The following PHF19 variants were observed in gnomAD, a reference collection of about 807,000 sequenced individuals.
PHF19 encodes the protein PHD finger protein 19.
In PHF19, 21 loss-of-function variants were observed where a neutral mutation model predicts 79.8. That is an observed-to-expected ratio of 0.26 (90% CI 0.19 to 0.38). The LOEUF (loss-of-function observed/expected upper bound fraction) is 0.38, where lower values mean the gene tolerates loss of function less well. Ranked by LOEUF, PHF19 falls within the 10% of genes least tolerant of loss-of-function variation. The probability of loss-of-function intolerance (pLI) is 1.00; values close to 1 mark genes in which losing one functional copy is unlikely to be tolerated. For missense variants in PHF19, 445 were observed against 744.2 expected, an observed-to-expected ratio of 0.60 and a Z score of 4.68; for synonymous variants, 273 against 296.3, an observed-to-expected ratio of 0.92 and a Z score of 0.81.
intron 12 of PHF19, 26 bp downstream of exon 12, chr9:120,861,891 TG>T (rs780178763): frequency 6.7e-7 from 1 of 1,496,926 alleles, no homozygotes; most frequent in Non-Finnish European, 9.3e-7. Context: ...CGTATGAAAA[TG>T]GAGAGTAAGA....
intron 14 of PHF19, among the ~76,000 whole-genome samples, chr9:120,859,364 C>T (rs2045450833): frequency 6.6e-6 from 1 of 151,320 alleles, no homozygotes; most frequent in African/African-American, 2.4e-5. Context: ...AGGTAATCTG[C>T]CCACCTTGGC....
rs1326199845 is a variant in PHF19, at chr9:120,870,161, G to GA, written c.365-217dup. On this transcript the variant is annotated intron_variant, in intron 4 of 14. Coordinates refer to ENST00000373896, the MANE Select transcript of PHF19 (RefSeq NM_015651.3). The surrounding 1 kb of genome is among the most constrained non-coding windows in gnomAD (Gnocchi z 4.4). ...ATTGGCCAGTTGTGGGGTTGGGGGGGACACAGGAAGGTCTGACTTCAGTGC... is the reference window on the plus strand; with the variant it reads ...ATTGGCCAGTTGTGGGGTTGGGGGGGAACACAGGAAGGTCTGACTTCAGTGC... Among the ~76,000 whole-genome samples the GA allele has an allele frequency of 1.1e-4, 16 of 152,030 alleles. No individual in the cohort carries two copies. The highest frequency in any genetic ancestry group is 2.1e-4 in the Non-Finnish European group (14 of 68,002).
the PHF19 span, chr9:120,903,430 C>T: frequency 3.9e-5 from 6 of 152,312 alleles, no homozygotes; most frequent in Admixed American, 1.3e-4. Context: ...TTGAGACTGC[C>T]GTGCCACGAT....
chr9:120,881,149 GTT>G (rs1182115413), upstream of PHF19, among the ~76,000 whole-genome samples: 2 of 133,674 alleles, frequency 1.5e-5, no homozygotes. Flanking sequence ...TCGGGGGTTT[GTT>G]TTTTTTTTTT....
chr9:120,871,579 TTTA>T (rs1395473660), intron 3 of PHF19, among the ~76,000 whole-genome samples: 61 of 152,360 alleles, frequency 4.0e-4, no homozygotes, highest in African/African-American at 1.3e-3. Flanking sequence ...TAAAATTGCT[TTTA>T]GTCTACAGGT....
Position 120,869,043 on chromosome 9 carries a change from C to T in PHF19, c.614+139G>A, listed in dbSNP as rs2045805401. The stretch of plus-strand genomic sequence containing the variant: ...AGGCCCGCCCCTCGAGGCCCCGCCC[C>T]CACAGCGCAACACACTGGGCCCGCC... On this transcript the variant is annotated intron_variant, in intron 6 of 14. Transcript: ENST00000373896. The surrounding 1 kb of genome is among the most constrained non-coding windows in gnomAD (Gnocchi z 5.8). 2 of 946,742 alleles carry T rather than the reference C, an allele frequency of 2.1e-6. No homozygotes were observed. Among genetic ancestry groups the T allele is most frequent in the Non-Finnish European group, 2.9e-6 (2 of 694,642 alleles). The allele number at this position is 946,742 out of a possible 1,614,324, so 58.6% of individuals were successfully genotyped here. A position where few individuals can be genotyped will look rare whatever the true frequency, so the allele number is the denominator to read the frequency against.
the PHF19 span, among the ~76,000 whole-genome samples, chr9:120,900,130 G>A: frequency 1.5e-5 from 2 of 135,694 alleles, no homozygotes; most frequent in African/African-American, 3.7e-5. Context: ...GGGGTTACAG[G>A]CATGGGCCAC....
intron 6 of PHF19, among the ~76,000 whole-genome samples, chr9:120,868,061 A>G (rs1473749832): frequency 8.2e-6 from 1 of 121,526 alleles, no homozygotes; most frequent in Non-Finnish European, 1.7e-5. Context: ...GCACATCTCC[A>G]GGGAAAAGAA....
exon 1 of PHF19, chr9:120,894,832 T>C (rs1564521324): frequency 8.1e-7 from 1 of 1,229,174 alleles, no homozygotes. Context: ...ACCAGCATAG[T>C]GCAGGGCACG....
chr9:120,878,374 G>A (rs1458399156), upstream of PHF19, among the ~76,000 whole-genome samples: 1 of 152,154 alleles, frequency 6.6e-6, no homozygotes. Context: ...CTTGGGGGAA[G>A]GGAGGAAGAA....
intron 14 of PHF19, among the ~76,000 whole-genome samples, chr9:120,858,639 A>G (rs1455335931): frequency 6.6e-6 from 1 of 152,154 alleles, no homozygotes; most frequent in Admixed American, 6.5e-5. Context: ...CGGCACTGCA[A>G]AAGCACAAGA....
chr9:120,881,148 T>TA (rs59482735), upstream of PHF19, among the ~76,000 whole-genome samples: 242 of 127,470 alleles, frequency 1.9e-3, 21 homozygotes, highest in South Asian at 4.1e-3. Context: ...ATCGGGGGTT[T>TA]GTTTTTTTTT....
In PHF19 at chr9:120,856,761, AGG is replaced by A. The variant is rs1257907764; in HGVS notation, c.*1181_*1182del. 6.5e-6 allele frequency: 1 copy of A among 152,736 alleles called. No homozygotes were observed. The highest frequency in any genetic ancestry group is 1.5e-5 in the Non-Finnish European group (1 of 68,092). 9.5% of individuals were successfully genotyped at this position (152,736 alleles called of 1,614,324 possible). On this transcript the variant is annotated 3_prime_UTR_variant, in exon 15 of 15. Transcript: ENST00000373896. ...TGATTGTCCATTTCAGGGCAGGGCA[AGG>A]GATATGAAAGAGGGTGAGTCCCCTG...
At chr9:120,898,031 CT>C (rs2046416132), upstream of PHF19, among the ~76,000 whole-genome samples, 1 of 150,524 alleles carries the variant, frequency 6.6e-6, no homozygotes. Flanking sequence ...GATACTAAGT[CT>C]TTGAAATCTG....
Position 120,869,422 on chromosome 9 carries a change from G to A in PHF19, c.466-92C>T. 1 of 1,431,806 alleles carries A rather than the reference G, an allele frequency of 7.0e-7. No individual in the cohort carries two copies. The highest frequency in any genetic ancestry group is 9.4e-7 in the Non-Finnish European group (1 of 1,063,726). The allele number at this position is 1,431,806 out of a possible 1,614,324, so 88.7% of individuals were successfully genotyped here. ...TGTCTATTGAGGGAAGTGCTGCCAG[G>A]GCTTGGGGGACCCGCAGATATTCCA... On this transcript the variant is annotated intron_variant, in intron 5 of 14. Transcript: ENST00000373896. The surrounding 1 kb of genome is among the most constrained non-coding windows in gnomAD (Gnocchi z 5.8).
the PHF19 span, among the ~76,000 whole-genome samples, chr9:120,901,213 G>T: frequency 4.0e-4 from 61 of 151,512 alleles, 1 homozygote; most frequent in Admixed American, 1.9e-3. Context: ...TGTTGTTTGA[G>T]ACAGAGTCTC....
Position 120,860,268 on chromosome 9 carries a change from G to A in PHF19, c.1305-83C>T, listed in dbSNP as rs533048151. 557 of 737,022 alleles carry A rather than the reference G, an allele frequency of 7.6e-4. 1 individual carries two copies. Among genetic ancestry groups the A allele is most frequent in the South Asian group, 2.8e-3 (190 of 67,368 alleles). 45.7% of individuals were successfully genotyped at this position (737,022 alleles called of 1,614,324 possible). On this transcript the variant is annotated intron_variant, in intron 13 of 14. Coordinates refer to ENST00000373896, the MANE Select transcript of PHF19 (RefSeq NM_015651.3). The surrounding 1 kb of genome is among the most constrained non-coding windows in gnomAD (Gnocchi z 4.1). The stretch of plus-strand genomic sequence containing the variant: ...CCTGGCCCGCAGGTTCCCCTAACAT[G>A]CATCCTTCATCCCAGTGGAGGCCCG...
rs1248131524 is a variant in PHF19 at position 120,866,597 on chromosome 9, G to C, written c.710+273C>G. Among the ~76,000 whole-genome samples, 4 of 152,226 alleles carry C rather than the reference G, an allele frequency of 2.6e-5. No homozygotes were observed. The highest frequency in any genetic ancestry group is 2.6e-4 in the Admixed American group (4 of 15,292). On this transcript the variant is annotated intron_variant, in intron 7 of 14. Transcript: ENST00000373896. The surrounding 1 kb of genome is among the most constrained non-coding windows in gnomAD (Gnocchi z 5.2). The stretch of plus-strand genomic sequence containing the variant: ...TCCCTTCTTCCCCAGACACTTAAGA[G>C]ACTAGGGCATAGGGAAGGCAGGCAT...
At chr9:120,884,054 G>C (rs538244468) in intron 1 of PHF19, among the ~76,000 whole-genome samples, 1 of 152,184 alleles carries the variant, frequency 6.6e-6, no homozygotes, top group East Asian at 1.9e-4. Flanking sequence ...GAACAAATGA[G>C]TTGCTCCCAG....
Sources: allele counts gnomAD v4.1 joint callset (sites outside exome capture counted in the v4.1 genomes callset), GRCh38; gene constraint gnomAD v4.1.1; non-coding constraint Gnocchi (gnomAD v3.1); transcripts MANE v1.5; gene names NCBI Gene and HGNC (gene_info 2026-07-23, HGNC 2026-07-21).